TNFRSF19: variants seen among roughly 807,000 people sequenced by gnomAD.
TNFRSF19 encodes tumor necrosis factor receptor superfamily member 19.
In TNFRSF19, 27 loss-of-function variants were observed where a neutral mutation model predicts 46.4. That is an observed-to-expected ratio of 0.58 (90% CI 0.43 to 0.80). The LOEUF (loss-of-function observed/expected upper bound fraction) is 0.80. Ranked by LOEUF, TNFRSF19 falls within the 30% of genes least tolerant of loss-of-function variation. TNFRSF19 has a pLI of 0.00. For synonymous variants in TNFRSF19, 204 were observed against 205.0 expected, an observed-to-expected ratio of 1.00 and a Z score of 0.04; for missense variants, 511 against 530.8, an observed-to-expected ratio of 0.96 and a Z score of 0.37.
intron 5 of TNFRSF19, among the ~76,000 whole-genome samples, chr13:23,656,163 A>G (rs1883973700): frequency 6.6e-6 from 1 of 152,176 alleles, no homozygotes; most frequent in African/African-American, 2.4e-5. Flanking sequence ...TCATCTTTAG[A>G]TGTCACTGCC....
chr13:23,629,170 G>A (rs1254779638), intron 5 of TNFRSF19, among the ~76,000 whole-genome samples: 1 of 151,364 alleles, frequency 6.6e-6, no homozygotes, highest in African/African-American at 2.4e-5. Context: ...GTGCTGCTTA[G>A]ATTCTCAGCT....
chr13:23,616,302 C>G (rs1006791033), intron 4 of TNFRSF19, among the ~76,000 whole-genome samples: 4 of 152,042 alleles, frequency 2.6e-5, no homozygotes, highest in Non-Finnish European at 5.9e-5. Context: ...CTAAGGAGTT[C>G]CTACAAATCA....
At chr13:23,575,486 C>T (rs143648201) in intron 1 of TNFRSF19, among the ~76,000 whole-genome samples, 6 of 152,188 alleles carry the variant, frequency 3.9e-5, no homozygotes, top group South Asian at 2.1e-4. Context: ...ATTGGCCTCA[C>T]GGTGCTCCCT....
intron 3 of TNFRSF19, among the ~76,000 whole-genome samples, chr13:23,594,902 G>T (rs1879602222): frequency 6.6e-6 from 1 of 152,312 alleles, no homozygotes; most frequent in African/African-American, 2.4e-5. Context: ...TTGGGACGAA[G>T]CTTCCAGAGG....
At chr13:23,631,966 G>A in intron 5 of TNFRSF19, among the ~76,000 whole-genome samples, 1 of 152,190 alleles carries the variant, frequency 6.6e-6, no homozygotes, top group East Asian at 1.9e-4. Flanking sequence ...TAATCCAAAA[G>A]CATTTTCCAT....
chr13:23,621,519 G>A (rs1410903824), intron 4 of TNFRSF19, among the ~76,000 whole-genome samples: 2 of 152,192 alleles, frequency 1.3e-5, no homozygotes, highest in African/African-American at 4.8e-5. Context: ...CTTGTGTTAA[G>A]TGAGGTCATT....
At chr13:23,657,074 C>A (rs1884029036) in intron 5 of TNFRSF19, among the ~76,000 whole-genome samples, 1 of 152,092 alleles carries the variant, frequency 6.6e-6, no homozygotes, top group African/African-American at 2.4e-5. Context: ...GAATATTAAA[C>A]ATGTTTACAA....
chr13:23,589,991 A>G (rs1879142833), intron 1 of TNFRSF19, among the ~76,000 whole-genome samples, 159 bp from the exon 2 acceptor site: 1 of 152,116 alleles, frequency 6.6e-6, no homozygotes, highest in Non-Finnish European at 1.5e-5. Flanking sequence ...AAATAATTAT[A>G]TATTATTTGT....
At chr13:23,571,888 T>C (rs1031793012) in intron 1 of TNFRSF19, among the ~76,000 whole-genome samples, 22 of 151,958 alleles carry the variant, frequency 1.4e-4, no homozygotes, top group African/African-American at 4.8e-4. Flanking sequence ...TTTTTTAATG[T>C]TCTAGTCCTA....
chr13:23,619,883 C>G (rs1881542339), intron 4 of TNFRSF19, among the ~76,000 whole-genome samples: 1 of 152,186 alleles, frequency 6.6e-6, no homozygotes. Flanking sequence ...AGTAGGGGAG[C>G]AGGTCTGCCC....
intron 1 of TNFRSF19, among the ~76,000 whole-genome samples, chr13:23,573,735 T>C (rs1287605223): frequency 6.6e-6 from 1 of 151,732 alleles, no homozygotes; most frequent in Non-Finnish European, 1.5e-5. Flanking sequence ...CTTGAGCATG[T>C]TTTCATTATC....
chr13:23,601,664 G>A (rs1880173964), intron 3 of TNFRSF19, among the ~76,000 whole-genome samples: 1 of 138,606 alleles, frequency 7.2e-6, no homozygotes, highest in South Asian at 2.4e-4. Flanking sequence ...GAGTATGCTT[G>A]TGTGTACACA....
chr13:23,602,181 T>C (rs532692670), intron 3 of TNFRSF19, among the ~76,000 whole-genome samples: 3 of 152,248 alleles, frequency 2.0e-5, no homozygotes, highest in African/African-American at 7.2e-5. Flanking sequence ...GAGAAATATA[T>C]ACCATGCTAA....
intron 1 of TNFRSF19, among the ~76,000 whole-genome samples, chr13:23,579,773 G>A (rs571476779): frequency 2.7e-3 from 411 of 152,182 alleles, no homozygotes; most frequent in African/African-American, 8.9e-3. Flanking sequence ...TTCACGCCGG[G>A]TCCCCGCGGG....
chr13:23,669,522 G>C, intron 9 of TNFRSF19: 8 of 985,164 alleles, frequency 8.1e-6, no homozygotes, highest in Non-Finnish European at 9.6e-6. Flanking sequence ...TGTGAATTTT[G>C]GTCTCCTAAA....
At chr13:23,609,700 G>A (rs1880765312) in intron 3 of TNFRSF19, among the ~76,000 whole-genome samples, 2 of 152,132 alleles carry the variant, frequency 1.3e-5, no homozygotes, top group Non-Finnish European at 2.9e-5. Context: ...TCCTCCGCAC[G>A]GGGCATACCC....
intron 1 of TNFRSF19, among the ~76,000 whole-genome samples, chr13:23,579,756 G>C (rs1461821822): frequency 1.3e-5 from 2 of 152,028 alleles, no homozygotes; most frequent in African/African-American, 4.8e-5. Context: ...GGAGGGGAGC[G>C]TGTGAATTCA....
chr13:23,626,260 C>G (rs1882002703), intron 4 of TNFRSF19, among the ~76,000 whole-genome samples: 1 of 149,444 alleles, frequency 6.7e-6, no homozygotes, highest in South Asian at 2.1e-4. Context: ...CTCCTGGTTT[C>G]TTGTTATGCC....
At chr13:23,635,340 GAATT>G (rs1468822931) in intron 5 of TNFRSF19, among the ~76,000 whole-genome samples, 1 of 152,088 alleles carries the variant, frequency 6.6e-6, no homozygotes, top group African/African-American at 2.4e-5. Flanking sequence ...TTTCAAACAG[GAATT>G]AATTAATTTA....
Sources: gnomAD v4.1 joint callset for allele counts (sites outside exome capture counted in the v4.1 genomes callset) on GRCh38, gnomAD v4.1.1 for gene constraint, MANE v1.5 for transcripts, NCBI Gene and HGNC (gene_info 2026-07-23, HGNC 2026-07-21) for gene names.